Variants in RBL2 observed in about 807,000 individuals in gnomAD.
RBL2 encodes the protein retinoblastoma-like protein 2.
In RBL2, 56 loss-of-function variants were observed where a neutral mutation model predicts 126.0. The observed-to-expected ratio is 0.44, with a 90% CI of 0.36 to 0.56. The LOEUF (loss-of-function observed/expected upper bound fraction) is 0.56, where lower values mean the gene tolerates loss of function less well. Ranked by LOEUF, RBL2 falls within the 20% of genes least tolerant of loss-of-function variation. The pLI, the probability that RBL2 is intolerant of heterozygous loss-of-function variation, is 0.00. For synonymous variants in RBL2, 454 were observed against 478.5 expected, an observed-to-expected ratio of 0.95 and a Z score of 0.67; for missense variants, 1,229 against 1,398.2, an observed-to-expected ratio of 0.88 and a Z score of 1.93.
chr16:53,474,099 C>T (rs1222998346), intron 17 of RBL2, among the ~76,000 whole-genome samples: 7 of 151,472 alleles, frequency 4.6e-5, no homozygotes, highest in Admixed American at 4.6e-4. Flanking sequence ...TACAAGCAGT[C>T]CTCCCACCTT....
chr16:53,469,317 TAAAAA>T (rs910861880), intron 14 of RBL2, among the ~76,000 whole-genome samples: 6 of 152,330 alleles, frequency 3.9e-5, no homozygotes, highest in African/African-American at 1.4e-4. Context: ...TAAACTGTTT[TAAAAA>T]AATAAATTAT....
chr16:53,486,436 C>A (rs1961179162), intron 21 of RBL2, among the ~76,000 whole-genome samples: 1 of 152,154 alleles, frequency 6.6e-6, no homozygotes, highest in Non-Finnish European at 1.5e-5. Context: ...GTTTAAAAAC[C>A]TCCTGTCAGA....
intron 17 of RBL2, among the ~76,000 whole-genome samples, chr16:53,478,796 A>G (rs1447322426): frequency 1.3e-5 from 2 of 151,720 alleles, no homozygotes; most frequent in African/African-American, 4.8e-5. Context: ...TAATTTTTGT[A>G]TTTTTAGTAG....
rs2057954190 is a variant in RBL2, at chr16:53,435,904, C to A, written c.240+1108C>A. ...TATGGTGGCTTTAGAACCCGACAGA[C>A]CTGAAACCGCTGGAAAAGTTCAGTA... On this transcript the variant is annotated intron_variant, in intron 1 of 21. Transcript: ENST00000262133. 2.0e-5 allele frequency among the ~76,000 whole-genome samples: 3 copies of A among 152,200 alleles called. No individual in the cohort carries two copies. In the South Asian group the frequency reaches 6.2e-4, roughly 32 times the overall value.
In RBL2 at chr16:53,439,116, T is replaced by C; in HGVS notation, c.341T>C (p.Leu114Ser). 1 of 1,606,072 alleles carries C rather than the reference T, an allele frequency of 6.2e-7. No homozygotes were observed. Among genetic ancestry groups the C allele is most frequent in the South Asian group, 1.1e-5 (1 of 89,556 alleles). Residue 114 changes from leucine to serine, a missense_variant, in exon 2 of 22, where the codon TTA (leucine) becomes TCA (serine). By Grantham distance (145) the Leu-to-Ser change is moderately radical. Coordinates refer to ENST00000262133, the MANE Select transcript of RBL2 (RefSeq NM_005611.4). ...KGTVEGNYVS[L>S]TRILKCSEQS... is the part of the protein sequence containing the mutation. ...ACAGTGGAAGGAAACTATGTATCTT[T>C]AACTAGAATCCTGAAATGTTCAGAG...
intron 15 of RBL2, 54 bp downstream of exon 15, chr16:53,470,239 A>ATTTTC: frequency 6.4e-7 from 1 of 1,566,486 alleles, no homozygotes; most frequent in Non-Finnish European, 8.7e-7. Flanking sequence ...TGTATTGAAA[A>ATTTTC]GTTACCCGAG....
chr16:53,437,871 C>T (rs1234783719), intron 1 of RBL2, among the ~76,000 whole-genome samples: 1 of 151,640 alleles, frequency 6.6e-6, no homozygotes, highest in Non-Finnish European at 1.5e-5. Flanking sequence ...ACTAAAAATA[C>T]AAAAAATTAG....
At position 53,470,521 on chromosome 16, in the gene RBL2, C is replaced by T. The variant is rs1455069047; in HGVS notation, c.2384C>T (p.Thr795Ile). ...GGAAGTCTGAGCTCTCAACAGGTGA[C>T]AGGAACAACTTTGCAAGTCCCTGGT... ...LAGSLSSQQV[T>I]GTTLQVPGQV... The change falls in exon 16 of 22, where the codon ACA becomes ATA. Residue 795 changes from threonine (T) to isoleucine (I), a missense_variant. Physicochemically the swap from Thr to Ile is moderately conservative, Grantham distance 89. Transcript: ENST00000262133. 6.2e-7 allele frequency: 1 copy of T among 1,614,018 alleles called. No individual in the cohort carries two copies. The highest frequency in any genetic ancestry group is 1.3e-5 in the African/African-American group (1 of 74,906).
intron 1 of RBL2, chr16:53,435,603 C>A: frequency 7.9e-7 from 1 of 1,260,818 alleles, no homozygotes; most frequent in South Asian, 1.3e-5. Flanking sequence ...TGGGAAGTGA[C>A]ACGGAAGTAC....
chr16:53,485,862 C>A (rs1234789047), intron 21 of RBL2, among the ~76,000 whole-genome samples: 3 of 149,628 alleles, frequency 2.0e-5, no homozygotes, highest in Non-Finnish European at 4.4e-5. Flanking sequence ...TAAAAAAAAA[C>A]AAAAACAAAA....
Position 53,434,474 on chromosome 16 carries a change from G to T in RBL2, c.-83G>T. The T allele has an allele frequency of 5.4e-6, 7 of 1,294,632 alleles. No individual in the cohort carries two copies. Among genetic ancestry groups the T allele is most frequent in the Non-Finnish European group, 6.9e-6 (7 of 1,016,868 alleles). 80.2% of individuals were successfully genotyped at this position (1,294,632 alleles called of 1,614,324 possible). On this transcript the variant is annotated 5_prime_UTR_variant, in exon 1 of 22. Coordinates refer to ENST00000262133, the MANE Select transcript of RBL2 (RefSeq NM_005611.4). ...GCGGCGCAGGCGCGGTGCGGGCGGC[G>T]GACGGGCGGGCGCTTCGCCGTTTGA...
chr16:53,464,297 T>C lies in RBL2; in HGVS notation c.1632T>C (p.Tyr544=), dbSNP rs199814336. Residue 544 remains tyrosine (Y), a synonymous_variant, in exon 12 of 22, where the codon TAT becomes TAC. Transcript: ENST00000262133. ...ACCLEVVTFS[Y]KPPGNFPFIT... is the part of the protein sequence containing the mutation. Reference sequence around the variant, plus strand: ...GCCTTGAGGTCGTCACTTTTTCTTATAAGCCTCCTGGGAATTTTCCATTTA... The same window carrying C: ...GCCTTGAGGTCGTCACTTTTTCTTACAAGCCTCCTGGGAATTTTCCATTTA... The C allele has an allele frequency of 6.3e-6, 10 of 1,598,442 alleles. No individual in the cohort carries two copies. The African/African-American group carries it at 6.7e-5, about 11-fold the overall frequency.
At chr16:53,435,678 A>G in intron 1 of RBL2, 3 of 1,289,092 alleles carry the variant, frequency 2.3e-6, no homozygotes, top group Middle Eastern at 2.1e-4. Flanking sequence ...TGATTTCTCA[A>G]GTCGTTTTAT....
At chr16:53,459,236 C>A (rs374062899) in intron 8 of RBL2, among the ~76,000 whole-genome samples, 38 of 152,266 alleles carry the variant, frequency 2.5e-4, no homozygotes, top group African/African-American at 8.9e-4. Flanking sequence ...TTCTTTCACA[C>A]CTTCGTCTTC....
At position 53,470,478 on chromosome 16, in the gene RBL2, A is replaced by C. The variant is rs557214396; in HGVS notation, c.2341A>C (p.Ser781Arg). ...QAVTGSIQPL[S>R]AQALAGSLSS... The stretch of plus-strand genomic sequence containing the variant: ...TGTGACAGGCTCCATCCAGCCCCTC[A>C]GTGCTCAGGCCCTGGCTGGAAGTCT... Residue 781 changes from serine (S) to arginine (R), a missense_variant, in exon 16 of 22, where the codon AGT becomes CGT. Ser to Arg is a moderately radical substitution (Grantham distance 110). This residue lies in a region of RBL2 where 1,070 missense variants were observed against 1,274.3 expected (regional missense o/e 0.84). Coordinates refer to ENST00000262133, the MANE Select transcript of RBL2 (RefSeq NM_005611.4). 3 of 1,614,180 alleles carry C rather than the reference A, an allele frequency of 1.9e-6. No homozygotes were observed. Among genetic ancestry groups the C allele is most frequent in the Middle Eastern group, 1.6e-4 (1 of 6,062 alleles).
chr16:53,483,926 TA>T (rs77395902), intron 21 of RBL2, among the ~76,000 whole-genome samples: 61,476 of 130,828 alleles, frequency 0.47, 13,815 homozygotes, highest in Middle Eastern at 0.6. Flanking sequence ...CCTATCATAG[TA>T]AAAAAAAAAA....
At chr16:53,444,984 A>G (rs2058048695) in intron 3 of RBL2, among the ~76,000 whole-genome samples, 3 of 152,306 alleles carry the variant, frequency 2.0e-5, no homozygotes, top group South Asian at 2.1e-4. Context: ...TTCAGATTGC[A>G]CTTGTTTTGC....
chr16:53,479,046 C>T, intron 17 of RBL2, 108 bp from the exon 18 acceptor site: 1 of 829,452 alleles, frequency 1.2e-6, no homozygotes, highest in African/African-American at 1.7e-5. Context: ...CTTTAAATAG[C>T]TTTTATATAA....
intron 1 of RBL2, chr16:53,435,573 A>C (rs1486925025): frequency 8.1e-7 from 1 of 1,229,680 alleles, no homozygotes; most frequent in Admixed American, 3.0e-5. Flanking sequence ...CTTTGTATGC[A>C]CCTCCCCTTC....
Sources: gnomAD v4.1 joint callset for allele counts (sites outside exome capture counted in the v4.1 genomes callset) on GRCh38, gnomAD v4.1.1 for gene constraint, gnomAD v4.1.1 regional missense constraint, MANE v1.5 for transcripts, NCBI Gene and HGNC (gene_info 2026-07-23, HGNC 2026-07-21) for gene names.